Variants in PCDH9 observed in about 807,000 individuals in gnomAD.
PCDH9 encodes the protein protocadherin 9.
PCDH9 carries 24 observed loss-of-function variants against 70.6 expected under a neutral mutation model. That is an observed-to-expected ratio of 0.34 (90% CI 0.25 to 0.48). The LOEUF (loss-of-function observed/expected upper bound fraction) is 0.48, where lower values mean the gene tolerates loss of function less well. PCDH9 is among the 20% of genes least tolerant of loss of function. The pLI is 0.99. For synonymous variants in PCDH9, 562 were observed against 558.5 expected (o/e 1.01, Z -0.09); for missense variants, 1,281 against 1,503.6 (o/e 0.85, Z 2.45).
chr13:66,568,865 G>A (rs1200212871), intron 4 of PCDH9, among the ~76,000 whole-genome samples: 1 of 151,942 alleles, frequency 6.6e-6, no homozygotes, highest in Non-Finnish European at 1.5e-5. Flanking sequence ...AAGTTCTGGA[G>A]GGGTGGGTTT....
intron 2 of PCDH9, among the ~76,000 whole-genome samples, chr13:66,906,011 C>A (rs1279235301): frequency 6.6e-6 from 1 of 152,130 alleles, no homozygotes. Flanking sequence ...TTACTGAGTG[C>A]ATGTTATGTG....
chr13:66,774,698 G>A (rs1006558060), intron 3 of PCDH9, among the ~76,000 whole-genome samples: 6 of 152,230 alleles, frequency 3.9e-5, no homozygotes, highest in African/African-American at 9.6e-5. Flanking sequence ...CCCAAATGAC[G>A]TATTGTTATT....
At chr13:66,586,000 A>T (rs2138797984) in intron 4 of PCDH9, among the ~76,000 whole-genome samples, 1 of 152,312 alleles carries the variant, frequency 6.6e-6, no homozygotes, top group African/African-American at 2.4e-5. Flanking sequence ...CTGTGAGATA[A>T]GCTTGCTCCA....
At chr13:67,202,902 C>A (rs2089251154) in intron 2 of PCDH9, 1 of 151,824 alleles carries the variant, frequency 6.6e-6, no homozygotes, top group Non-Finnish European at 1.5e-5. Flanking sequence ...GGTATATTTC[C>A]AAGGTAATAA....
chr13:67,088,428 C>A (rs1287742605), intron 2 of PCDH9, among the ~76,000 whole-genome samples: 1 of 151,978 alleles, frequency 6.6e-6, no homozygotes, highest in Non-Finnish European at 1.5e-5. Flanking sequence ...AGGGACAAAA[C>A]AGGCTTTTTC....
chr13:66,471,726 G>A (rs1446330943), intron 4 of PCDH9, among the ~76,000 whole-genome samples: 1 of 152,112 alleles, frequency 6.6e-6, no homozygotes, highest in Non-Finnish European at 1.5e-5. Flanking sequence ...TCCATAGCAA[G>A]TAAAGAACAG....
chr13:66,360,383 T>C lies in PCDH9; in HGVS notation c.3341-55355A>G, dbSNP rs1424386100. Among the ~76,000 whole-genome samples the C allele has an allele frequency of 3.9e-5, 6 of 152,224 alleles. No individual in the cohort carries two copies. The East Asian group carries it at 1.2e-3, about 29-fold the overall frequency. ...CAAGAGCAAAAATGGGGGAAGTGTT[T>C]ATTAATCCTTAGCTGTGATTCTCAG... On this transcript the variant is annotated intron_variant, in intron 4 of 4. Coordinates refer to ENST00000377865, the MANE Select transcript of PCDH9 (RefSeq NM_203487.3).
chr13:66,828,867 T>TTA (rs1291724193), intron 3 of PCDH9, among the ~76,000 whole-genome samples: 104 of 151,486 alleles, frequency 6.9e-4, no homozygotes, highest in African/African-American at 2.4e-3. Context: ...AAGTTCATAT[T>TTA]TATATATATA....
At chr13:67,206,240 A>C (rs9599199) in intron 2 of PCDH9, 11,861 of 152,188 alleles carry the variant, frequency 0.078, 552 homozygotes, top group Middle Eastern at 0.14. Flanking sequence ...ATCTCGGCTC[A>C]CTGCAAGCTC....
At chr13:67,196,578 T>C (rs967987041) in intron 2 of PCDH9, among the ~76,000 whole-genome samples, 4 of 152,110 alleles carry the variant, frequency 2.6e-5, no homozygotes, top group Non-Finnish European at 4.4e-5. Context: ...TCTCTGCGTA[T>C]ATGACAAATA....
At chr13:66,664,851 C>G (rs979326232) in intron 3 of PCDH9, among the ~76,000 whole-genome samples, 3 of 151,986 alleles carry the variant, frequency 2.0e-5, no homozygotes, top group African/African-American at 7.2e-5. Flanking sequence ...GGCTTCATCC[C>G]ATCCCTACAT....
intron 2 of PCDH9, among the ~76,000 whole-genome samples, chr13:67,001,160 C>A (rs1367583348): frequency 6.6e-6 from 1 of 152,068 alleles, no homozygotes; most frequent in African/African-American, 2.4e-5. Context: ...AACTAGAGAG[C>A]CGATAAGCTT....
At chr13:66,945,819 G>C (rs2083079181) in intron 2 of PCDH9, among the ~76,000 whole-genome samples, 1 of 152,040 alleles carries the variant, frequency 6.6e-6, no homozygotes, top group Non-Finnish European at 1.5e-5. Context: ...TCTTGTATGT[G>C]TTTTACAGTG....
At chr13:66,321,623 G>A (rs1322788187) in intron 4 of PCDH9, among the ~76,000 whole-genome samples, 3 of 151,786 alleles carry the variant, frequency 2.0e-5, no homozygotes, top group Admixed American at 6.6e-5. Context: ...TGTTTTCATT[G>A]GTTTGTTTAA....
intron 4 of PCDH9, among the ~76,000 whole-genome samples, chr13:66,306,833 T>C (rs1290902089): frequency 2.0e-5 from 3 of 152,066 alleles, no homozygotes; most frequent in African/African-American, 7.2e-5. Context: ...TTCTTTGCCC[T>C]CTACAATCTG....
At chr13:66,855,612 A>T (rs749243631) in intron 3 of PCDH9, among the ~76,000 whole-genome samples, 3 of 151,114 alleles carry the variant, frequency 2.0e-5, no homozygotes, top group Non-Finnish European at 4.4e-5. Context: ...ATGTTAAAGA[A>T]TATATATATA....
At chr13:66,921,842 T>A (rs1435077790) in intron 2 of PCDH9, among the ~76,000 whole-genome samples, 1 of 151,274 alleles carries the variant, frequency 6.6e-6, no homozygotes, top group African/African-American at 2.4e-5. Context: ...ATTCTAAGAG[T>A]AATAGTTTCA....
At chr13:66,409,754 G>C (rs1305514917) in intron 4 of PCDH9, among the ~76,000 whole-genome samples, 1 of 152,168 alleles carries the variant, frequency 6.6e-6, no homozygotes, top group Non-Finnish European at 1.5e-5. Context: ...ATGAATTTGA[G>C]ATGGGAAGCA....
At chr13:66,968,167 T>G (rs1399328644) in intron 2 of PCDH9, among the ~76,000 whole-genome samples, 2 of 152,084 alleles carry the variant, frequency 1.3e-5, no homozygotes, top group Non-Finnish European at 2.9e-5. Context: ...TAAAAGCTTT[T>G]TAAATACTTG....
Sources: allele counts gnomAD v4.1 joint callset (sites outside exome capture counted in the v4.1 genomes callset), GRCh38; gene constraint gnomAD v4.1.1; transcripts MANE v1.5; gene names NCBI Gene and HGNC (gene_info 2026-07-23, HGNC 2026-07-21).